The following RBFOX1 variants were observed in gnomAD, a reference collection of about 807,000 sequenced individuals.
RBFOX1 encodes the protein RNA binding fox-1 homolog 1.
RBFOX1 carries 8 observed loss-of-function variants against 57.7 expected under a neutral mutation model. That is an observed-to-expected ratio of 0.14 (90% CI 0.08 to 0.25). The LOEUF is 0.25. Among genes scored for constraint, RBFOX1 ranks in the 10% least tolerant of loss-of-function variants. The pLI is 1.00. For synonymous variants in RBFOX1, 326 were observed against 222.4 expected (o/e 1.47, Z -4.15); for missense variants, 611 against 548.5 (o/e 1.11, Z -1.14).
Position 5,867,268 on chromosome 16 carries a change from A to G in RBFOX1, c.319-35A>G, listed in dbSNP as rs898183326. The G allele has an allele frequency of 4.3e-6, 5 of 1,165,226 alleles. No individual in the cohort carries two copies. The East Asian group carries it at 9.6e-5, about 22-fold the overall frequency. 72.2% of individuals were successfully genotyped at this position (1,165,226 alleles called of 1,614,324 possible). A position where few individuals can be genotyped will look rare whatever the true frequency, so the allele number is the denominator to read the frequency against. On this transcript the variant is annotated intron_variant, in intron 3 of 19. Coordinates refer to the RBFOX1 transcript ENST00000641259. ...ATTAATCCAATTACCTTCTTGTTGAATCAATACTAATGTCTTTTTTTGTTT... is the reference window on the plus strand; with the variant it reads ...ATTAATCCAATTACCTTCTTGTTGAGTCAATACTAATGTCTTTTTTTGTTT...
intron 3 of RBFOX1, among the ~76,000 whole-genome samples, chr16:6,867,516 C>G (rs904027708): frequency 6.6e-6 from 1 of 152,006 alleles, no homozygotes; most frequent in East Asian, 1.9e-4. Flanking sequence ...GTCAGGAGTT[C>G]GAGATCAGCC....
intron 2 of RBFOX1, among the ~76,000 whole-genome samples, chr16:5,510,491 C>A (rs903343875): frequency 8.9e-6 from 1 of 112,658 alleles, no homozygotes; most frequent in Admixed American, 8.3e-5. Context: ...CATGTCATCA[C>A]TCCCACCAAG....
At chr16:6,780,098 T>TA (rs1423155213) in intron 3 of RBFOX1, among the ~76,000 whole-genome samples, 656 of 34,328 alleles carry the variant, frequency 0.019, 186 homozygotes, top group African/African-American at 0.078. Context: ...TATTTATATA[T>TA]TTTTATATAT....
At chr16:6,393,390 G>C (rs778282674) in intron 2 of RBFOX1, among the ~76,000 whole-genome samples, 1 of 152,138 alleles carries the variant, frequency 6.6e-6, no homozygotes, top group Non-Finnish European at 1.5e-5. Flanking sequence ...AGGACAGCTG[G>C]TCTTTGAGAT....
At chr16:7,148,078 G>A (rs1049891928) in intron 4 of RBFOX1, among the ~76,000 whole-genome samples, 1 of 152,164 alleles carries the variant, frequency 6.6e-6, no homozygotes, top group African/African-American at 2.4e-5. Flanking sequence ...AAGATGAGCA[G>A]ACAAACCTAG....
intron 3 of RBFOX1, among the ~76,000 whole-genome samples, chr16:5,850,783 C>G (rs2056875692): frequency 6.6e-6 from 1 of 152,194 alleles, no homozygotes; most frequent in East Asian, 1.9e-4. Context: ...GTCTCATTTC[C>G]TTCACTTGCC....
intron 3 of RBFOX1, among the ~76,000 whole-genome samples, chr16:6,695,889 C>G (rs1544620): frequency 0.057 from 8,664 of 152,222 alleles, 655 homozygotes; most frequent in East Asian, 0.41. Context: ...GGCCGTGAAT[C>G]TATGGGAGGA....
At chr16:7,513,466 T>C (rs1255980282) in intron 4 of RBFOX1, among the ~76,000 whole-genome samples, 3 of 152,106 alleles carry the variant, frequency 2.0e-5, no homozygotes, top group Admixed American at 6.5e-5. Context: ...AGATTAGAGA[T>C]GCATTGCATG....
At chr16:7,453,376 G>T (rs1342464675) in intron 4 of RBFOX1, among the ~76,000 whole-genome samples, 2 of 152,120 alleles carry the variant, frequency 1.3e-5, no homozygotes, top group Non-Finnish European at 2.9e-5. Context: ...GAGGTGGAGA[G>T]TGGCCCAAGT....
intron 4 of RBFOX1, among the ~76,000 whole-genome samples, chr16:7,076,042 T>C (rs1359214951): frequency 6.6e-6 from 1 of 150,812 alleles, no homozygotes; most frequent in African/African-American, 2.5e-5. Context: ...TTGGGCTTTT[T>C]TTTTTTTTCT....
chr16:6,374,330 C>T (rs970170824), intron 2 of RBFOX1, among the ~76,000 whole-genome samples: 1 of 152,140 alleles, frequency 6.6e-6, no homozygotes, highest in African/African-American at 2.4e-5. Flanking sequence ...TGTGATCAGG[C>T]AATTGAATAG....
chr16:7,217,646 T>A (rs955902156), intron 4 of RBFOX1, among the ~76,000 whole-genome samples: 1 of 148,074 alleles, frequency 6.8e-6, no homozygotes, highest in African/African-American at 2.6e-5. Flanking sequence ...GAAAAAAAAA[T>A]GTCAGTGTTT....
intron 2 of RBFOX1, 49 bp downstream of exon 2, chr16:6,317,106 T>C: frequency 6.8e-7 from 1 of 1,468,244 alleles, no homozygotes; most frequent in African/African-American, 1.4e-5. Flanking sequence ...CATCCATGTC[T>C]TTGATCCTGT....
At chr16:7,067,514 C>A (rs34953142) in intron 4 of RBFOX1, among the ~76,000 whole-genome samples, 13 of 150,822 alleles carry the variant, frequency 8.6e-5, no homozygotes, top group African/African-American at 2.7e-4. Flanking sequence ...AACTGAGGTC[C>A]CTGTTTTCTT....
At chr16:5,879,998 A>G (rs1439148424) in intron 4 of RBFOX1, among the ~76,000 whole-genome samples, 3 of 152,200 alleles carry the variant, frequency 2.0e-5, no homozygotes, top group Non-Finnish European at 4.4e-5. Flanking sequence ...TGAGGAGCAC[A>G]TGGATATTCT....
intron 1 of RBFOX1, among the ~76,000 whole-genome samples, chr16:5,301,705 A>G (rs2063812228): frequency 1.3e-5 from 2 of 152,014 alleles, no homozygotes; most frequent in Non-Finnish European, 2.9e-5. Context: ...CCTTGAGATA[A>G]CTGCCACCCT....
At chr16:6,438,771 A>G (rs1298970555) in intron 2 of RBFOX1, among the ~76,000 whole-genome samples, 1 of 152,120 alleles carries the variant, frequency 6.6e-6, no homozygotes, top group Non-Finnish European at 1.5e-5. Context: ...TGCAGTGGTT[A>G]CTGAGACATG....
In RBFOX1 at chr16:6,707,478, G is replaced by GTTTTTTTTT. The variant is rs61418784; in HGVS notation, c.-16+52836_-16+52844dup. 7.6e-4 allele frequency among the ~76,000 whole-genome samples: 97 copies of GTTTTTTTTT among 128,190 alleles called. 2 individuals are homozygous for GTTTTTTTTT. The highest frequency in any genetic ancestry group is 9.3e-4 in the East Asian group (4 of 4,286). 84.1% of individuals were successfully genotyped at this position (128,190 alleles called of 152,430 possible). A position where few individuals can be genotyped will look rare whatever the true frequency, so the allele number is the denominator to read the frequency against. On this transcript the variant is annotated intron_variant, in intron 3 of 15. Coordinates refer to ENST00000550418, the MANE Select transcript of RBFOX1 (RefSeq NM_018723.4). ...AATATTTAGATGGCTTCCCATTTTT[G>GTTTTTTTTT]TTTTTTTTTTTTTTTTGCTGTTGTA... is the stretch of plus-strand genomic sequence containing the variant.
chr16:6,813,513 G>T (rs570179337), intron 3 of RBFOX1, among the ~76,000 whole-genome samples: 4 of 152,244 alleles, frequency 2.6e-5, no homozygotes, highest in African/African-American at 9.6e-5. Flanking sequence ...CCTATGCTAT[G>T]ATCTGTCACC....
Sources: gnomAD v4.1 joint callset for allele counts (sites outside exome capture counted in the v4.1 genomes callset) on GRCh38, gnomAD v4.1.1 for gene constraint, MANE v1.5 for transcripts, NCBI Gene and HGNC (gene_info 2026-07-23, HGNC 2026-07-21) for gene names.